The following PHACTR2 variants were observed in gnomAD, a reference collection of about 807,000 sequenced individuals.
The protein encoded by PHACTR2 is phosphatase and actin regulator 2.
In PHACTR2, 30 loss-of-function variants were observed where a neutral mutation model predicts 76.0. The ratio of observed to expected loss-of-function variants is 0.39; its 90% confidence interval spans 0.30 to 0.54. The LOEUF is 0.54. Among genes scored for constraint, PHACTR2 ranks in the 20% least tolerant of loss-of-function variants. The probability of loss-of-function intolerance (pLI) is 0.61; values close to 1 mark genes in which losing one functional copy is unlikely to be tolerated. For missense variants in PHACTR2, 696 were observed against 781.1 expected, an observed-to-expected ratio of 0.89 and a Z score of 1.30; for synonymous variants, 292 against 292.5, an observed-to-expected ratio of 1.00 and a Z score of 0.02.
At position 143,641,755 on chromosome 6, in the gene PHACTR2, C is replaced by T. The variant is rs577610616; in HGVS notation, c.13+33433C>T. On this transcript the variant is annotated intron_variant, in intron 1 of 11. Transcript: ENST00000305766. The surrounding 1 kb of genome is among the most constrained non-coding windows in gnomAD (Gnocchi z 5.8). ...TCCCAACCTCAGGTGATCCACTGGC[C>T]TCAGCCTCCGAAAGTGCTGGGATTA... Among the ~76,000 whole-genome samples, 1 of 152,258 alleles carries T rather than the reference C, an allele frequency of 6.6e-6. No individual in the cohort carries two copies. Among genetic ancestry groups the T allele is most frequent in the South Asian group, 2.1e-4 (1 of 4,826 alleles).
rs1776896611 is a variant in PHACTR2 at position 143,658,838 on chromosome 6, A to G, written c.13+50516A>G. Reference sequence around the variant, plus strand: ...TCAAGAGTTCGAGACCAGCCTAACCAACATGGTGAAACCTCATCTCTACTA... The same window carrying G: ...TCAAGAGTTCGAGACCAGCCTAACCGACATGGTGAAACCTCATCTCTACTA... On this transcript the variant is annotated intron_variant, in intron 1 of 11. Coordinates refer to the PHACTR2 transcript ENST00000305766. This position sits in a 1 kb window ranked among gnomAD's most constrained non-coding sequence, Gnocchi z 4.1. Among the ~76,000 whole-genome samples the G allele has an allele frequency of 2.0e-5, 3 of 152,258 alleles. 1 individual carries two copies. Among genetic ancestry groups the G allele is most frequent in the South Asian group, 4.1e-4 (2 of 4,820 alleles).
intron 1 of PHACTR2, among the ~76,000 whole-genome samples, chr6:143,705,366 T>G (rs2488094): frequency 1.4e-5 from 2 of 148,122 alleles, no homozygotes; most frequent in African/African-American, 2.5e-5. Context: ...GCAATCTTGG[T>G]TCACTGCAAG....
chr6:143,685,533 T>C (rs1181415636), intron 1 of PHACTR2, among the ~76,000 whole-genome samples: 1 of 152,092 alleles, frequency 6.6e-6, no homozygotes, highest in Non-Finnish European at 1.5e-5. Context: ...TTTTTAAAAC[T>C]TATGACGTTC....
chr6:143,713,908 G>A (rs1398607384), intron 2 of PHACTR2, among the ~76,000 whole-genome samples: 1 of 152,122 alleles, frequency 6.6e-6, no homozygotes, highest in Non-Finnish European at 1.5e-5. Context: ...CAGACGTAAC[G>A]TACGAAAACG....
At chr6:143,725,349 C>T (rs146695228) in intron 2 of PHACTR2, among the ~76,000 whole-genome samples, 2,829 of 150,468 alleles carry the variant, frequency 0.019, 59 homozygotes, top group Admixed American at 0.06. Context: ...TACAGGCGCC[C>T]GCCACCATAC....
intron 1 of PHACTR2, among the ~76,000 whole-genome samples, chr6:143,632,503 C>T (rs1776379048): frequency 6.6e-6 from 1 of 152,134 alleles, no homozygotes; most frequent in African/African-American, 2.4e-5. Flanking sequence ...AATGAATTCT[C>T]ACAGGTGTCA....
chr6:143,566,466 T>A (rs889418564), intron 1 of PHACTR2, among the ~76,000 whole-genome samples: 1 of 151,664 alleles, frequency 6.6e-6, no homozygotes, highest in East Asian at 1.9e-4. Context: ...GCTATTCTTT[T>A]GTTGTTGTTG....
chr6:143,571,371 C>T lies in PHACTR2; in HGVS notation c.217+34164C>T, dbSNP rs1045970160. On this transcript the variant is annotated intron_variant, in intron 1 of 11. Transcript: ENST00000367584. This position sits in a 1 kb window ranked among gnomAD's most constrained non-coding sequence, Gnocchi z 4.6. ...TTATTTATTTGTATTAGTGTGGTCT[C>T]ATGGATATTTCCTTTATCCTATAAT... Among the ~76,000 whole-genome samples the T allele has an allele frequency of 6.6e-6, 1 of 152,180 alleles. No homozygotes were observed. The highest frequency in any genetic ancestry group is 1.5e-5 in the Non-Finnish European group (1 of 68,036).
At chr6:143,758,250 G>T (rs1410551250) in intron 4 of PHACTR2, among the ~76,000 whole-genome samples, 1 of 152,116 alleles carries the variant, frequency 6.6e-6, no homozygotes, top group African/African-American at 2.4e-5. Context: ...TCAGTGACAT[G>T]CTATTAAGGG....
chr6:143,602,262 T>A lies in PHACTR2; in HGVS notation c.217+65055T>A, dbSNP rs1775821645. ...TCTTGAGGAAATTTCTGCTCAATTT[T>A]GAGGGCATACTGCCGATCCAGTATT... On this transcript the variant is annotated intron_variant, in intron 1 of 11. Transcript: ENST00000367584. The surrounding 1 kb of genome is among the most constrained non-coding windows in gnomAD (Gnocchi z 6.1). 6.6e-6 allele frequency among the ~76,000 whole-genome samples: 1 copy of A among 152,194 alleles called. No homozygotes were observed. Among genetic ancestry groups the A allele is most frequent in the Non-Finnish European group, 1.5e-5 (1 of 68,030 alleles).
In PHACTR2 at chr6:143,767,418, G is replaced by GA. The variant is rs1177600958; in HGVS notation, c.1232+1626dup. ...GCACCAATATTTGAAGGACAGCCAA[G>GA]AAAAAATAAATGTCAAATTACAAAT... On this transcript the variant is annotated intron_variant, in intron 6 of 12. Transcript: ENST00000440869. This position sits in a 1 kb window ranked among gnomAD's most constrained non-coding sequence, Gnocchi z 4.4. Among the ~76,000 whole-genome samples the GA allele has an allele frequency of 6.6e-6, 1 of 152,014 alleles. No individual in the cohort carries two copies.
chr6:143,576,279 CAT>C (rs1196211236), intron 1 of PHACTR2, among the ~76,000 whole-genome samples: 2 of 152,184 alleles, frequency 1.3e-5, no homozygotes, highest in African/African-American at 2.4e-5. Context: ...GCTCTCATGA[CAT>C]AGCTTTGGAA....
chr6:143,724,334 G>A (rs1386416510), intron 2 of PHACTR2, among the ~76,000 whole-genome samples: 3 of 151,930 alleles, frequency 2.0e-5, no homozygotes, highest in Admixed American at 6.6e-5. Context: ...GGGTTTCACT[G>A]TGTTAGCCAG....
chr6:143,728,128 A>G (rs1373481321), intron 2 of PHACTR2, among the ~76,000 whole-genome samples: 1 of 152,090 alleles, frequency 6.6e-6, no homozygotes, highest in Non-Finnish European at 1.5e-5. Flanking sequence ...ATCAACATAA[A>G]AATCAGTGGT....
intron 12 of PHACTR2, among the ~76,000 whole-genome samples, chr6:143,812,080 T>A (rs1776187712): frequency 6.6e-6 from 1 of 152,142 alleles, no homozygotes; most frequent in Non-Finnish European, 1.5e-5. Context: ...TTTGGGGTGG[T>A]TAATAAATGG....
intron 1 of PHACTR2, among the ~76,000 whole-genome samples, chr6:143,544,210 G>C (rs1781198190): frequency 6.6e-6 from 1 of 151,550 alleles, no homozygotes; most frequent in Non-Finnish European, 1.5e-5. Context: ...TGTGATAGTA[G>C]GTCATAAGAC....
At chr6:143,665,494 G>A (rs1198331863) in intron 1 of PHACTR2, among the ~76,000 whole-genome samples, 1 of 152,154 alleles carries the variant, frequency 6.6e-6, no homozygotes, top group Non-Finnish European at 1.5e-5. Context: ...ACTCACTGTT[G>A]TGCTAGTTTT....
chr6:143,781,100 G>A (rs562618929), intron 9 of PHACTR2, among the ~76,000 whole-genome samples: 2 of 152,276 alleles, frequency 1.3e-5, no homozygotes, highest in South Asian at 4.1e-4. Flanking sequence ...ACTACATAGG[G>A]ACAGCCCATC....
intron 1 of PHACTR2, among the ~76,000 whole-genome samples, chr6:143,559,001 G>A (rs139555297): frequency 1.3e-5 from 2 of 152,330 alleles, no homozygotes; most frequent in Non-Finnish European, 2.9e-5. Context: ...TTGACAATCA[G>A]AAGCAGATAT....
Sources: allele counts gnomAD v4.1 joint callset (sites outside exome capture counted in the v4.1 genomes callset), GRCh38; gene constraint gnomAD v4.1.1; non-coding constraint Gnocchi (gnomAD v3.1); transcripts MANE v1.5; gene names NCBI Gene and HGNC (gene_info 2026-07-23, HGNC 2026-07-21).